The following PCDHGA7 variants were observed in gnomAD, a reference collection of about 807,000 sequenced individuals.
PCDHGA7 encodes protocadherin gamma subfamily A, 7, also known as protocadherin gamma-A7.
Under a neutral mutation model 58.3 loss-of-function variants are expected in PCDHGA7, and 44 were observed. That is an observed-to-expected ratio of 0.75 (90% CI 0.59 to 0.97). PCDHGA7 has a LOEUF of 0.97. Among genes scored for constraint, PCDHGA7 ranks in the 50% least tolerant of loss-of-function variants. The pLI is 0.00. For synonymous variants in PCDHGA7, 516 were observed against 504.2 expected, an observed-to-expected ratio of 1.02 and a Z score of -0.31; for missense variants, 1,266 against 1,188.7, an observed-to-expected ratio of 1.06 and a Z score of -0.96.
At chr5:141,400,637 C>T (rs1198861683) in intron 1 of PCDHGA7, 1 of 1,324,714 alleles carries the variant, frequency 7.5e-7, no homozygotes, top group Non-Finnish European at 1.1e-6. Flanking sequence ...GTCAGAGCTG[C>T]TCAGAAAGCT....
At chr5:141,423,102 C>T (rs778561065) in intron 1 of PCDHGA7, 7 of 1,613,920 alleles carry the variant, frequency 4.3e-6, no homozygotes, top group Non-Finnish European at 4.2e-6. Context: ...AGCACACGGG[C>T]GAGGTGCGTA....
chr5:141,494,820 AC>A lies in PCDHGA7; in HGVS notation c.2439del (p.Asn813LysfsTer39). 6.2e-7 allele frequency: 1 copy of A among 1,613,988 alleles called. No homozygotes were observed. The highest frequency in any genetic ancestry group is 2.2e-5 in the East Asian group (1 of 44,874). On this transcript the variant is annotated frameshift_variant, in exon 2 of 4. Coordinates refer to ENST00000518325, the MANE Select transcript of PCDHGA7 (RefSeq NM_018920.4). LOFTEE classifies it high-confidence loss of function. ...TTTTCTCCACAGCAAGCCCCGCCCA[AC>A]ACGGACTGGCGTTTCTCTCAGGCCC... ...NLPSIQQAPP[N>X]TDWRFSQAQR...
chr5:141,441,852 G>T (rs1169073404), intron 1 of PCDHGA7: 2 of 352,708 alleles, frequency 5.7e-6, no homozygotes, highest in African/African-American at 2.2e-5. Flanking sequence ...TGGATATGGT[G>T]CTGCACGCCG....
intron 1 of PCDHGA7, among the ~76,000 whole-genome samples, chr5:141,455,860 ATTATTTATTTAT>A (rs145569377): frequency 0.023 from 3,231 of 139,812 alleles, 82 homozygotes; most frequent in African/African-American, 0.066. Context: ...AATTTCTTTT[ATTATTTATTTAT>A]TTATTTATTT....
intron 1 of PCDHGA7, chr5:141,409,483 G>C: frequency 6.2e-7 from 1 of 1,613,944 alleles, no homozygotes; most frequent in Non-Finnish European, 8.5e-7. Context: ...CCACTGACAG[G>C]GGCAAGCCGC....
At chr5:141,448,639 T>C (rs1248697237) in intron 1 of PCDHGA7, among the ~76,000 whole-genome samples, 1 of 152,148 alleles carries the variant, frequency 6.6e-6, no homozygotes, top group Non-Finnish European at 1.5e-5. Context: ...CATTATATCC[T>C]TTAAAAATAT....
chr5:141,383,137 C>A lies in PCDHGA7; in HGVS notation c.238C>A (p.Arg80Ser), dbSNP rs750687055. Residue 80 changes from arginine to serine, a missense_variant, in exon 1 of 4, where the codon CGC becomes AGC. Coordinates refer to ENST00000518325, the MANE Select transcript of PCDHGA7 (RefSeq NM_018920.4). ...GACGCAGCTTTTCGCCCTGAACCAG[C>A]GCAGCGGCAGCTTGGTCACTGCGGG... ...GRTQLFALNQRSGSLVTAGRI... is the reference protein window; with the variant it reads ...GRTQLFALNQSSGSLVTAGRI... 1 of 1,614,112 alleles carries A rather than the reference C, an allele frequency of 6.2e-7. No individual in the cohort carries two copies. Among genetic ancestry groups the A allele is most frequent in the Non-Finnish European group, 8.5e-7 (1 of 1,179,986 alleles).
chr5:141,492,720 A>G (rs1161942205), intron 1 of PCDHGA7, among the ~76,000 whole-genome samples: 1 of 152,256 alleles, frequency 6.6e-6, no homozygotes, highest in East Asian at 1.9e-4. Context: ...GCAGGCGGAC[A>G]GGCAGAGCTG....
chr5:141,394,500 C>T, intron 1 of PCDHGA7: 2 of 1,614,242 alleles, frequency 1.2e-6, no homozygotes, highest in Non-Finnish European at 8.5e-7. Context: ...GCCCGAGATC[C>T]TGTACCCCGC....
intron 1 of PCDHGA7, chr5:141,410,167 T>C (rs372848702): frequency 6.2e-7 from 1 of 1,613,652 alleles, no homozygotes; most frequent in African/African-American, 1.3e-5. Context: ...CGCCACTCTC[T>C]GCCACCGCCA....
intron 1 of PCDHGA7, chr5:141,393,310 C>A (rs775937552): frequency 1.2e-6 from 2 of 1,613,388 alleles, no homozygotes; most frequent in African/African-American, 2.7e-5. Flanking sequence ...GGCGTGAACT[C>A]CCTCCAGAGC....
intron 1 of PCDHGA7, chr5:141,413,303 T>G (rs772421197): frequency 6.8e-6 from 11 of 1,613,942 alleles, no homozygotes; most frequent in Middle Eastern, 3.3e-4. Flanking sequence ...CCTGAGGAAT[T>G]AGAGAAAGGC....
intron 1 of PCDHGA7, among the ~76,000 whole-genome samples, chr5:141,456,790 C>T (rs1364747385): frequency 6.6e-6 from 1 of 151,976 alleles, no homozygotes; most frequent in Admixed American, 6.6e-5. Flanking sequence ...TGGCAAAACC[C>T]CATCTCTACT....
At chr5:141,481,943 G>C (rs1454871018) in intron 1 of PCDHGA7, among the ~76,000 whole-genome samples, 1 of 148,544 alleles carries the variant, frequency 6.7e-6, no homozygotes, top group South Asian at 2.1e-4. Context: ...AAATCAGCCA[G>C]ATGTGGTGGC....
Position 141,485,633 on chromosome 5 carries a change from T to C in PCDHGA7, c.2425-9174T>C. 2 of 1,611,808 alleles carry C rather than the reference T, an allele frequency of 1.2e-6. No homozygotes were observed. Among genetic ancestry groups the C allele is most frequent in the South Asian group, 1.1e-5 (1 of 90,962 alleles). On this transcript the variant is annotated intron_variant, in intron 1 of 3. Coordinates refer to ENST00000518325, the MANE Select transcript of PCDHGA7 (RefSeq NM_018920.4). The surrounding 1 kb of genome is among the most constrained non-coding windows in gnomAD (Gnocchi z 5.7). Reference sequence around the variant, plus strand: ...AGCTCCTCCAGGACAGCGTTTCCCGTTGGAAAAGGCTCAGGATGCAGATGT... The same window carrying C: ...AGCTCCTCCAGGACAGCGTTTCCCGCTGGAAAAGGCTCAGGATGCAGATGT...
At position 141,505,378 on chromosome 5, in the gene PCDHGA7, C is replaced by T. The variant is rs376550639; in HGVS notation, c.2484-15C>T. 2 of 1,614,034 alleles carry T rather than the reference C, an allele frequency of 1.2e-6. No homozygotes were observed. The highest frequency in any genetic ancestry group is 2.2e-5 in the East Asian group (1 of 44,872). On this transcript the variant is annotated splice_polypyrimidine_tract_variant and intron_variant, in intron 2 of 3. Transcript: ENST00000518325. ...GGCCTGGGAGTCTGTGCTCACCATC[C>T]TACTCTCTCCCCAGCTCCCAAAATG...
intron 3 of PCDHGA7, among the ~76,000 whole-genome samples, chr5:141,506,473 G>A (rs976701500): frequency 2.7e-4 from 40 of 150,506 alleles, no homozygotes; most frequent in Admixed American, 1.5e-3. Flanking sequence ...AAAGAGCACA[G>A]GCTTTAGAGG....
At chr5:141,409,674 TAGTGGCG>T in intron 1 of PCDHGA7, 1 of 1,613,414 alleles carries the variant, frequency 6.2e-7, no homozygotes, top group Non-Finnish European at 8.5e-7. Flanking sequence ...TCCTACTCTA[TAGTGGCG>T]AGTGACCTAG....
rs561392729 is a variant in PCDHGA7, at chr5:141,475,706, G to T, written c.2425-19101G>T. On this transcript the variant is annotated intron_variant, in intron 1 of 3. Transcript: ENST00000518325. ...GGATTGGAGACTTGCAGAACGGCTA[G>T]CCTCACAGCCCCAAGGCTGGCTTTC... Among the ~76,000 whole-genome samples the T allele has an allele frequency of 7.2e-5, 11 of 152,364 alleles. 1 individual carries two copies. In the South Asian group the frequency reaches 2.3e-3, roughly 32 times the overall value.
Sources: gnomAD v4.1 joint callset for allele counts (sites outside exome capture counted in the v4.1 genomes callset) on GRCh38, gnomAD v4.1.1 for gene constraint, Gnocchi (gnomAD v3.1) non-coding constraint, MANE v1.5 for transcripts, NCBI Gene and HGNC (gene_info 2026-07-23, HGNC 2026-07-21) for gene names.